SYNRG: variants seen among roughly 807,000 people sequenced by gnomAD.
SYNRG encodes synergin gamma, also known as AP1 gamma subunit binding protein 1.
SYNRG carries 37 observed loss-of-function variants against 130.9 expected under a neutral mutation model. That is an observed-to-expected ratio of 0.28 (90% CI 0.22 to 0.37). The LOEUF is 0.37. Among genes scored for constraint, SYNRG ranks in the 10% least tolerant of loss-of-function variants. The pLI is 1.00. For missense variants in SYNRG, 1,338 were observed against 1,588.9 expected (o/e 0.84, Z 2.68); for synonymous variants, 539 against 568.1 (o/e 0.95, Z 0.73).
intron 8 of SYNRG, among the ~76,000 whole-genome samples, chr17:37,575,762 A>G (rs573115070): frequency 6.7e-6 from 1 of 150,050 alleles, no homozygotes; most frequent in East Asian, 2.0e-4. Flanking sequence ...GGATTGCCTG[A>G]GCCTGGGGAG....
chr17:37,594,572 C>T (rs2062589369), intron 3 of SYNRG, among the ~76,000 whole-genome samples: 1 of 150,978 alleles, frequency 6.6e-6, no homozygotes, highest in African/African-American at 2.4e-5. Context: ...AAGCGATTCT[C>T]CTGCTCAGCC....
intron 11 of SYNRG, among the ~76,000 whole-genome samples, chr17:37,562,906 G>A (rs2059649124): frequency 6.6e-6 from 1 of 151,918 alleles, no homozygotes. Context: ...TTTAGCTACG[G>A]TCTTTTAAGG....
chr17:37,579,225 T>C, intron 6 of SYNRG: 1 of 1,274,404 alleles, frequency 7.8e-7, no homozygotes, highest in Admixed American at 2.6e-5. Context: ...GGACTCTGAC[T>C]TGGAGGGAGA....
At chr17:37,551,906 G>C (rs1394578741) in intron 14 of SYNRG, among the ~76,000 whole-genome samples, 1 of 149,920 alleles carries the variant, frequency 6.7e-6, no homozygotes, top group African/African-American at 2.5e-5. Flanking sequence ...AAAGTAGACA[G>C]TCAAGGGCAC....
At chr17:37,579,013 G>T in intron 6 of SYNRG, 1 of 686,598 alleles carries the variant, frequency 1.5e-6, no homozygotes, top group Non-Finnish European at 1.8e-6. Context: ...TTCAACAGCA[G>T]TCATACATTT....
In SYNRG at chr17:37,542,642, G is replaced by A. The variant is rs2057872872; in HGVS notation, c.2609-77C>T. ...GCCCTAAACTCTGTAGAAGCAAAAT[G>A]CCTAGCATATTTGATTAGTTTTATA... On this transcript the variant is annotated intron_variant, in intron 14 of 21. Transcript: ENST00000612223. 22 of 1,069,362 alleles carry A rather than the reference G, an allele frequency of 2.1e-5. 1 individual carries two copies. The highest frequency in any genetic ancestry group is 3.0e-5 in the Non-Finnish European group (22 of 741,902). The allele number at this position is 1,069,362 out of a possible 1,614,324, so 66.2% of individuals were successfully genotyped here. A position where few individuals can be genotyped will look rare whatever the true frequency, so the allele number is the denominator to read the frequency against.
chr17:37,563,693 T>C (rs2059710626), intron 11 of SYNRG, among the ~76,000 whole-genome samples: 2 of 151,890 alleles, frequency 1.3e-5, no homozygotes, highest in Admixed American at 1.3e-4. Flanking sequence ...TGCACCACCA[T>C]GCACAGCTAA....
rs374329061 is a variant in SYNRG, at chr17:37,571,913, T to C, written c.976A>G (p.Met326Val). 8 of 1,614,218 alleles carry C rather than the reference T, an allele frequency of 5.0e-6. No homozygotes were observed. The Admixed American group carries it at 1.2e-4, about 24-fold the overall frequency. The change falls in exon 9 of 22, where the codon ATG (methionine) becomes GTG (valine). Residue 326 changes from methionine (M) to valine (V), a missense_variant. Transcript: ENST00000612223. ...IDTAKLYPIL[M>V]SSGLPRETLG... ...GTTTCCCTGGGAAGCCCAGATGACA[T>C]CAGAATGGGATACAGTTTGGCAGTA...
At chr17:37,600,776 C>T (rs543952141) in intron 1 of SYNRG, 87 of 320,658 alleles carry the variant, frequency 2.7e-4, no homozygotes, top group African/African-American at 1.9e-3. Context: ...TACACATATG[C>T]AGGCAAATAA....
At chr17:37,529,607 C>T (rs920442221) in intron 19 of SYNRG, among the ~76,000 whole-genome samples, 2 of 150,648 alleles carry the variant, frequency 1.3e-5, no homozygotes, top group Admixed American at 6.6e-5. Context: ...GCAGCTGTAG[C>T]AAGCTTGTAG....
At chr17:37,549,026 T>A (rs1366177071) in intron 14 of SYNRG, among the ~76,000 whole-genome samples, 1 of 149,926 alleles carries the variant, frequency 6.7e-6, no homozygotes, top group Non-Finnish European at 1.5e-5. Context: ...TCCCAGCTAC[T>A]CAGGAGGCCG....
intron 18 of SYNRG, chr17:37,536,810 G>A (rs909490368): frequency 6.6e-6 from 1 of 152,212 alleles, no homozygotes; most frequent in Non-Finnish European, 1.5e-5. Flanking sequence ...GAGGTGCTAA[G>A]TACCTCCACA....
intron 13 of SYNRG, among the ~76,000 whole-genome samples, chr17:37,555,050 A>G (rs906043730): frequency 6.6e-6 from 1 of 152,142 alleles, no homozygotes; most frequent in African/African-American, 2.4e-5. Flanking sequence ...TATTCTGGTT[A>G]AATAGAGTGG....
intron 19 of SYNRG, among the ~76,000 whole-genome samples, chr17:37,530,728 G>T (rs1321788254): frequency 1.3e-5 from 2 of 152,102 alleles, no homozygotes; most frequent in African/African-American, 4.8e-5. Context: ...AGAAATAGAG[G>T]ATAAGTAGTA....
intron 13 of SYNRG, among the ~76,000 whole-genome samples, chr17:37,554,478 T>C (rs1011702949): frequency 8.5e-5 from 13 of 152,178 alleles, no homozygotes; most frequent in African/African-American, 2.9e-4. Context: ...GATAAACATG[T>C]TACCCATTAA....
At chr17:37,522,124 T>C (rs2055147631) in intron 19 of SYNRG, among the ~76,000 whole-genome samples, 1 of 64,776 alleles carries the variant, frequency 1.5e-5, no homozygotes, top group Admixed American at 1.9e-4. Flanking sequence ...ATATGCATTA[T>C]CTAATTCACT....
chr17:37,581,189 C>A (rs2061300388), intron 6 of SYNRG, among the ~76,000 whole-genome samples: 1 of 151,998 alleles, frequency 6.6e-6, no homozygotes, highest in Non-Finnish European at 1.5e-5. Context: ...ATGTAATAAA[C>A]CTGCTCTACT....
intron 14 of SYNRG, among the ~76,000 whole-genome samples, chr17:37,551,862 C>A (rs1201167778): frequency 7.1e-6 from 1 of 140,564 alleles, no homozygotes; most frequent in African/African-American, 2.8e-5. Flanking sequence ...AAGAAAATTT[C>A]TGAGGAAAAG....
At chr17:37,606,686 C>A (rs2063780439) in intron 1 of SYNRG, among the ~76,000 whole-genome samples, 1 of 151,922 alleles carries the variant, frequency 6.6e-6, no homozygotes, top group Non-Finnish European at 1.5e-5. Context: ...ATCTCTTGGG[C>A]AAATTTTGCC....
Sources: allele counts gnomAD v4.1 joint callset (sites outside exome capture counted in the v4.1 genomes callset), GRCh38; gene constraint gnomAD v4.1.1; transcripts MANE v1.5; gene names NCBI Gene and HGNC (gene_info 2026-07-23, HGNC 2026-07-21).